Variants in KDM4B observed in about 807,000 individuals in gnomAD.
KDM4B encodes the protein lysine-specific demethylase 4B.
KDM4B carries 32 observed loss-of-function variants against 125.2 expected under a neutral mutation model. The observed-to-expected ratio is 0.26, with a 90% CI of 0.19 to 0.34. KDM4B has a LOEUF of 0.34. KDM4B is among the 10% of genes least tolerant of loss of function. The pLI, the probability that KDM4B is intolerant of heterozygous loss-of-function variation, is 1.00. For synonymous variants in KDM4B, 721 were observed against 677.9 expected (o/e 1.06, Z -0.99); for missense variants, 1,190 against 1,577.7 (o/e 0.75, Z 4.16).
chr19:5,107,620 C>T (rs1312796729), intron 9 of KDM4B, among the ~76,000 whole-genome samples: 1 of 152,232 alleles, frequency 6.6e-6, no homozygotes, highest in Non-Finnish European at 1.5e-5. Flanking sequence ...CAGAAGTCCT[C>T]ATGGGCCTGG....
intron 9 of KDM4B, among the ~76,000 whole-genome samples, chr19:5,094,132 C>T (rs778722599): frequency 6.6e-6 from 1 of 152,206 alleles, no homozygotes; most frequent in Non-Finnish European, 1.5e-5. Context: ...CATGGTCACG[C>T]GGCCCCTCCT....
At chr19:5,016,920 C>A (rs1599421075) in intron 2 of KDM4B, among the ~76,000 whole-genome samples, 1 of 152,206 alleles carries the variant, frequency 6.6e-6, no homozygotes. Flanking sequence ...GAGAGAATGA[C>A]CTCATCCCTT....
intron 1 of KDM4B, among the ~76,000 whole-genome samples, chr19:4,998,623 T>C (rs2035274683): frequency 6.6e-6 from 1 of 152,260 alleles, no homozygotes; most frequent in African/African-American, 2.4e-5. Context: ...GCTGATAAAA[T>C]CAAATCTACA....
intron 9 of KDM4B, among the ~76,000 whole-genome samples, chr19:5,109,895 T>A (rs902194463): frequency 6.6e-6 from 1 of 152,218 alleles, no homozygotes; most frequent in Non-Finnish European, 1.5e-5. Context: ...GAACGATTGC[T>A]GTTATAAAAT....
Position 5,003,844 on chromosome 19 carries a change from G to A in KDM4B, c.-108-12413G>A, listed in dbSNP as rs550682089. On this transcript the variant is annotated intron_variant, in intron 1 of 22. Transcript: ENST00000159111. ...TCCCTGCTTACCCCACTGCCTTGGG[G>A]AACCCCCTCTGTCCCCCACACAGTC... Among the ~76,000 whole-genome samples the A allele has an allele frequency of 5.3e-5, 8 of 152,192 alleles. No individual in the cohort carries two copies. In the South Asian group the frequency reaches 1.5e-3, roughly 28 times the overall value.
At chr19:4,978,607 C>T (rs554743758) in intron 1 of KDM4B, among the ~76,000 whole-genome samples, 2 of 151,696 alleles carry the variant, frequency 1.3e-5, no homozygotes, top group African/African-American at 4.9e-5. Context: ...TTTTTTTGGC[C>T]CCTCTAGCCA....
intron 7 of KDM4B, among the ~76,000 whole-genome samples, chr19:5,073,378 C>A (rs751346594): frequency 1.3e-5 from 2 of 152,238 alleles, no homozygotes; most frequent in Admixed American, 1.3e-4. Flanking sequence ...CCAGCAGCCC[C>A]GGTGGGGAGC....
At chr19:5,109,941 G>A (rs1384733773) in intron 9 of KDM4B, among the ~76,000 whole-genome samples, 2 of 152,312 alleles carry the variant, frequency 1.3e-5, no homozygotes, top group East Asian at 1.9e-4. Context: ...GGGGGCACCC[G>A]CGTCTGACGG....
chr19:4,976,037 GT>G (rs2034433059), intron 1 of KDM4B, among the ~76,000 whole-genome samples: 1 of 151,594 alleles, frequency 6.6e-6, no homozygotes, highest in Middle Eastern at 3.2e-3. Context: ...ATCACCTGAG[GT>G]CAGGAGTTCG....
chr19:5,040,051 G>T (rs116279619), intron 4 of KDM4B, 40 bp downstream of exon 4: 1 of 1,570,668 alleles, frequency 6.4e-7, no homozygotes, highest in Non-Finnish European at 8.7e-7. Context: ...CCCCGCCCCC[G>T]GGGGCACACC....
In KDM4B at chr19:5,115,234, C is replaced by T. The variant is rs1177489100; in HGVS notation, c.1115+4416C>T. On this transcript the variant is annotated intron_variant, in intron 10 of 22. Transcript: ENST00000159111. This position sits in a 1 kb window ranked among gnomAD's most constrained non-coding sequence, Gnocchi z 4.2. ...GCAGGGGGAATGTACCACGGGGCCT[C>T]AGAAAGACACAGCGGGCAAACATGG... Among the ~76,000 whole-genome samples, 1 of 152,068 alleles carries T rather than the reference C, an allele frequency of 6.6e-6. No homozygotes were observed. The highest frequency in any genetic ancestry group is 2.4e-5 in the African/African-American group (1 of 41,392).
chr19:5,060,483 C>T (rs982097614), intron 6 of KDM4B, among the ~76,000 whole-genome samples: 1 of 142,290 alleles, frequency 7.0e-6, no homozygotes, highest in Non-Finnish European at 1.5e-5. Flanking sequence ...GATTGTTCTC[C>T]AGCTGCAGTC....
intron 2 of KDM4B, among the ~76,000 whole-genome samples, chr19:5,031,036 T>C (rs1266504291): frequency 6.6e-6 from 1 of 152,250 alleles, no homozygotes; most frequent in Non-Finnish European, 1.5e-5. Flanking sequence ...AGGCCGGCAC[T>C]GAGGGTCCCA....
chr19:5,011,982 G>T (rs536014376), intron 1 of KDM4B, among the ~76,000 whole-genome samples: 6 of 152,342 alleles, frequency 3.9e-5, no homozygotes, highest in Admixed American at 1.3e-4. Flanking sequence ...TGCCCTCAGG[G>T]TCAGCACGTG....
chr19:5,087,436 A>G (rs569530853), intron 9 of KDM4B, among the ~76,000 whole-genome samples: 22 of 152,232 alleles, frequency 1.4e-4, no homozygotes, highest in African/African-American at 5.3e-4. Context: ...GGGGCTGGTG[A>G]CCTTTGGACC....
At position 5,077,279 on chromosome 19, in the gene KDM4B, A is replaced by C. The variant is rs1235442682; in HGVS notation, c.677-88A>C. ...CCACACGCCCGCTCTCCATGGGAGG[A>C]AAGAGCCAGCCTGCCCAGAGGGCAG... On this transcript the variant is annotated intron_variant, in intron 7 of 22. Transcript: ENST00000159111. 8 of 1,143,026 alleles carry C rather than the reference A, an allele frequency of 7.0e-6. No individual in the cohort carries two copies. The East Asian group carries it at 1.4e-4, about 20-fold the overall frequency. The allele number at this position is 1,143,026 out of a possible 1,614,324, so 70.8% of individuals were successfully genotyped here. A position where few individuals can be genotyped will look rare whatever the true frequency, so the allele number is the denominator to read the frequency against.
rs566302821 is a variant in KDM4B, at chr19:5,043,994, G to A, written c.432+2743G>A. On this transcript the variant is annotated intron_variant, in intron 5 of 22. Transcript: ENST00000159111. ...GGAGTGGGGGTGTCCACCTTATCCC[G>A]CGTGGTGTTTATCGGAGTGGGGTGT... 2.6e-3 allele frequency among the ~76,000 whole-genome samples: 309 copies of A among 119,772 alleles called. 2 individuals are homozygous for A. The highest frequency in any genetic ancestry group is 0.01 in the African/African-American group (293 of 29,050). 78.6% of individuals were successfully genotyped at this position (119,772 alleles called of 152,430 possible). A position where few individuals can be genotyped will look rare whatever the true frequency, so the allele number is the denominator to read the frequency against.
At position 5,016,609 on chromosome 19, in the gene KDM4B, G is replaced by A. The variant is rs558249511; in HGVS notation, c.-26+270G>A. 1.5e-3 allele frequency among the ~76,000 whole-genome samples: 221 copies of A among 152,332 alleles called. 1 individual carries two copies. The highest frequency in any genetic ancestry group is 4.7e-3 in the African/African-American group (195 of 41,592). On this transcript the variant is annotated intron_variant, in intron 2 of 22. Coordinates refer to ENST00000159111, the MANE Select transcript of KDM4B (RefSeq NM_015015.3). Reference sequence around the variant, plus strand: ...CACCCGACTCTCACTTCTAGAAACTGGAAAAGCTGTGGCTCCTCCTGCATT... The same window carrying A: ...CACCCGACTCTCACTTCTAGAAACTAGAAAAGCTGTGGCTCCTCCTGCATT...
At chr19:5,004,300 C>T (rs1364024328) in intron 1 of KDM4B, among the ~76,000 whole-genome samples, 3 of 152,160 alleles carry the variant, frequency 2.0e-5, no homozygotes, top group Admixed American at 6.5e-5. Flanking sequence ...TTCGTGTGCT[C>T]GGCTCCCAGC....
Sources: gnomAD v4.1 joint callset for allele counts (sites outside exome capture counted in the v4.1 genomes callset) on GRCh38, gnomAD v4.1.1 for gene constraint, Gnocchi (gnomAD v3.1) non-coding constraint, MANE v1.5 for transcripts, NCBI Gene and HGNC (gene_info 2026-07-23, HGNC 2026-07-21) for gene names.